RAPGEF6: variants seen among roughly 807,000 people sequenced by gnomAD.
The protein encoded by RAPGEF6 is Rap guanine nucleotide exchange factor 6.
A neutral mutation model predicts 171.4 loss-of-function variants in RAPGEF6; 56 were observed. The observed-to-expected ratio is 0.33, with a 90% CI of 0.26 to 0.41. The LOEUF is 0.41. Ranked by LOEUF, RAPGEF6 falls within the 10% of genes least tolerant of loss-of-function variation. RAPGEF6 has a pLI of 1.00. For synonymous variants in RAPGEF6, 692 were observed against 650.1 expected (o/e 1.06, Z -0.98); for missense variants, 1,674 against 1,921.4 (o/e 0.87, Z 2.41).
chr5:131,524,484 A>G (rs1335452366), intron 6 of RAPGEF6, among the ~76,000 whole-genome samples: 2 of 152,174 alleles, frequency 1.3e-5, no homozygotes, highest in Non-Finnish European at 2.9e-5. Context: ...AAAATATTAA[A>G]TAATCAAAGA....
chr5:131,547,101 T>C (rs899479645), intron 6 of RAPGEF6, among the ~76,000 whole-genome samples: 4 of 152,212 alleles, frequency 2.6e-5, no homozygotes, highest in African/African-American at 9.6e-5. Flanking sequence ...TTGTATTGAA[T>C]CAATGCAATT....
intron 11 of RAPGEF6, among the ~76,000 whole-genome samples, chr5:131,501,191 C>T (rs1445175911): frequency 1.3e-5 from 2 of 151,970 alleles, no homozygotes; most frequent in African/African-American, 4.8e-5. Context: ...ACAAAAAAAG[C>T]TGTGAGTGAT....
rs535443954 is a variant in RAPGEF6, at chr5:131,543,257, G to A, written c.495+4790C>T. ...GGGGAGGATGTAGAAAGCAGGGCTA[G>A]CGATAGGGCAACAAGTTCAGAGAGA... On this transcript the variant is annotated intron_variant, in intron 6 of 27. Coordinates refer to ENST00000509018, the MANE Select transcript of RAPGEF6 (RefSeq NM_016340.6). 3.3e-5 allele frequency among the ~76,000 whole-genome samples: 5 copies of A among 152,254 alleles called. No homozygotes were observed. In the South Asian group the frequency reaches 1.0e-3, roughly 32 times the overall value.
Position 131,442,359 on chromosome 5 carries a change from G to A in RAPGEF6, c.3600C>T (p.Asp1200=), listed in dbSNP as rs2301849. ...HPIRKKGQTK[D]PALNTSLPQK... The stretch of plus-strand genomic sequence containing the variant: ...ATGGTGAATACTCACTCAGTGCAGG[G>A]TCTTTTGTTTGTCCCTTCTTCCTGA... Residue 1200 remains aspartate (D), a synonymous_variant, in exon 23 of 28, where the codon GAC becomes GAT. Coordinates refer to ENST00000509018, the MANE Select transcript of RAPGEF6 (RefSeq NM_016340.6). 9 of 1,613,760 alleles carry A rather than the reference G, an allele frequency of 5.6e-6. No homozygotes were observed. The East Asian group carries it at 2.0e-4, about 36-fold the overall frequency.
intron 4 of RAPGEF6, among the ~76,000 whole-genome samples, chr5:131,589,449 G>C (rs929558328): frequency 1.3e-5 from 2 of 152,168 alleles, no homozygotes; most frequent in African/African-American, 4.8e-5. Context: ...ATTTGGGGGA[G>C]AGGGTAAGAA....
At chr5:131,528,146 T>A (rs1209897937) in intron 6 of RAPGEF6, among the ~76,000 whole-genome samples, 13 of 47,174 alleles carry the variant, frequency 2.8e-4, no homozygotes, top group African/African-American at 1.4e-3. Flanking sequence ...ATATATACTA[T>A]ATATAATATA....
rs768669570 is a variant in RAPGEF6, at chr5:131,472,769, T to C, written c.2082-25A>G. ...ACTTCAAAAGAATGTCATATATCACTTTAAAGTATTTGAGAGTACTTAAGT... is the reference window on the plus strand; with the variant it reads ...ACTTCAAAAGAATGTCATATATCACCTTAAAGTATTTGAGAGTACTTAAGT... On this transcript the variant is annotated intron_variant, in intron 16 of 27. Coordinates refer to ENST00000509018, the MANE Select transcript of RAPGEF6 (RefSeq NM_016340.6). 10 of 1,582,260 alleles carry C rather than the reference T, an allele frequency of 6.3e-6. No individual in the cohort carries two copies. The East Asian group carries it at 2.0e-4, about 32-fold the overall frequency.
At chr5:131,458,138 A>G (rs6881343) in intron 19 of RAPGEF6, among the ~76,000 whole-genome samples, 13,736 of 152,198 alleles carry the variant, frequency 0.09, 1,374 homozygotes, top group African/African-American at 0.25. Context: ...ACACCACTAT[A>G]AAAACTGATA....
chr5:131,460,538 A>G (rs2149833405), intron 19 of RAPGEF6, among the ~76,000 whole-genome samples: 1 of 152,290 alleles, frequency 6.6e-6, no homozygotes, highest in East Asian at 1.9e-4. Flanking sequence ...CTAGCCTTCC[A>G]AGTGTTTATC....
At chr5:131,634,922 A>G (rs373343141) in intron 1 of RAPGEF6, 40 bp downstream of exon 1, 41 of 1,610,474 alleles carry the variant, frequency 2.5e-5, no homozygotes, top group East Asian at 6.7e-5. Context: ...GATGCTGTCT[A>G]CTGGACTGTG....
chr5:131,533,811 CAAAGA>C (rs780113890), intron 6 of RAPGEF6, among the ~76,000 whole-genome samples: 18 of 152,048 alleles, frequency 1.2e-4, no homozygotes, highest in Non-Finnish European at 2.4e-4. Flanking sequence ...CAGAAGAAAT[CAAAGA>C]AAAGGATTAA....
At chr5:131,513,361 A>C (rs113922897) in intron 7 of RAPGEF6, among the ~76,000 whole-genome samples, 1,897 of 152,246 alleles carry the variant, frequency 0.012, 26 homozygotes, top group Admixed American at 0.019. Context: ...ATCAATTTTT[A>C]AGTGTAATCT....
chr5:131,486,726 A>ATTTTT (rs5871425), intron 15 of RAPGEF6, among the ~76,000 whole-genome samples: 3 of 127,262 alleles, frequency 2.4e-5, no homozygotes, highest in African/African-American at 5.9e-5. Flanking sequence ...CAAGGGATAA[A>ATTTTT]TTTTTTTTTT....
intron 6 of RAPGEF6, among the ~76,000 whole-genome samples, chr5:131,537,910 T>G (rs894889458): frequency 1.4e-5 from 2 of 138,940 alleles, no homozygotes; most frequent in African/African-American, 5.5e-5. Context: ...CTGAAAAACA[T>G]GATGAAACTC....
chr5:131,579,613 T>A lies in RAPGEF6; in HGVS notation c.281+12770A>T, dbSNP rs1304759985. Among the ~76,000 whole-genome samples the A allele has an allele frequency of 2.0e-5, 3 of 152,120 alleles. No homozygotes were observed. In the East Asian group the frequency reaches 5.8e-4, roughly 29 times the overall value. On this transcript the variant is annotated intron_variant, in intron 4 of 27. Coordinates refer to ENST00000509018, the MANE Select transcript of RAPGEF6 (RefSeq NM_016340.6). ...ACTACATTAGCTAGACACAGAGCAC[T>A]GATTGGTGCATTTACAAACCTTGAG...
In RAPGEF6 at chr5:131,433,471, C is replaced by T. The variant is rs2149806946; in HGVS notation, c.3933G>A (p.Glu1311=). 1 of 1,613,766 alleles carries T rather than the reference C, an allele frequency of 6.2e-7. No homozygotes were observed. Among genetic ancestry groups the T allele is most frequent in the Non-Finnish European group, 8.5e-7 (1 of 1,179,698 alleles). The change falls in exon 25 of 28, where the codon GAG becomes GAA. Residue 1311 remains glutamate (E), a synonymous_variant. Transcript: ENST00000509018. ...TATGATCTCCTATCCCTGAAGCGTG[C>T]TCTGTCTTTTCCAATGCCCCAGTGG... ...PESTGALEKT[E]HASGIGDHSQ...
chr5:131,611,142 C>T (rs1764910993), intron 1 of RAPGEF6, among the ~76,000 whole-genome samples: 1 of 152,138 alleles, frequency 6.6e-6, no homozygotes, highest in African/African-American at 2.4e-5. Context: ...TTCCTTTCGT[C>T]TCTCCTTCAC....
In RAPGEF6 at chr5:131,425,754, G is replaced by C. The variant is rs1010201919; in HGVS notation, c.*1512C>G. ...AAGACAGACAGCAGAGACAGCTAGGGAAAGACAACACATTTCTATAAAGGA... is the reference window on the plus strand; with the variant it reads ...AAGACAGACAGCAGAGACAGCTAGGCAAAGACAACACATTTCTATAAAGGA... On this transcript the variant is annotated 3_prime_UTR_variant, in exon 28 of 28. Transcript: ENST00000509018. 6.6e-6 allele frequency: 1 copy of C among 152,154 alleles called. No homozygotes were observed. The highest frequency in any genetic ancestry group is 2.4e-5 in the African/African-American group (1 of 41,368). The allele number at this position is 152,154 out of a possible 1,614,324, so 9.4% of individuals were successfully genotyped here.
rs146909910 is a variant in RAPGEF6 at position 131,593,663 on chromosome 5, T to C, written c.198-1197A>G. Among the ~76,000 whole-genome samples the C allele has an allele frequency of 3.1e-3, 476 of 152,290 alleles. 3 individuals carry two copies. The highest frequency in any genetic ancestry group is 0.011 in the African/African-American group (453 of 41,548). ...TGGAGATGAGGAACTTACTGGAAAC[T>C]GGAGTAAAGGTCACTCTTGCTATGC... On this transcript the variant is annotated intron_variant, in intron 3 of 27. Transcript: ENST00000509018.
Sources: gnomAD v4.1 joint callset for allele counts (sites outside exome capture counted in the v4.1 genomes callset) on GRCh38, gnomAD v4.1.1 for gene constraint, MANE v1.5 for transcripts, NCBI Gene and HGNC (gene_info 2026-07-23, HGNC 2026-07-21) for gene names.